The following NRL variants were observed in gnomAD, a reference collection of about 807,000 sequenced individuals.
The protein encoded by NRL is neural retina leucine zipper, also known as neural retina-specific leucine zipper protein.
A neutral mutation model predicts 12.5 loss-of-function variants in NRL; 16 were observed. The ratio of observed to expected loss-of-function variants is 1.28; its 90% CI spans 0.87 to 1.95. The LOEUF is 1.95. Among genes scored for constraint, NRL ranks in the 30% most tolerant of loss-of-function variants. NRL has a pLI of 0.00. For missense variants in NRL, 314 were observed against 325.8 expected (o/e 0.96, Z 0.28); for synonymous variants, 142 against 150.9 (o/e 0.94, Z 0.43).
chr14:24,103,007 C>G, intron 1 of NRL: 1 of 1,307,676 alleles, frequency 7.6e-7, no homozygotes, highest in Non-Finnish European at 1.1e-6. Flanking sequence ...CAGAGTTCTC[C>G]CCTGGTGAAT....
chr14:24,098,824 G>T, intron 1 of NRL: 1 of 760,068 alleles, frequency 1.3e-6, no homozygotes, highest in Non-Finnish European at 2.2e-6. Context: ...CCCAGCAGAG[G>T]GATAAGGCTG....
chr14:24,094,123 G>A lies in NRL; in HGVS notation c.-27-11248C>T. ...CGAAGAGTGGACCCAGTCCTCCAAT[G>A]GGAGAGATGGGTTTGGCGGTTTGGA... is the stretch of plus-strand genomic sequence containing the variant. On this transcript the variant is annotated intron_variant, in intron 1 of 2. Coordinates refer to ENST00000561028, the MANE Select transcript of NRL (RefSeq NM_001354768.3). This position sits in a 1 kb window ranked among gnomAD's most constrained non-coding sequence, Gnocchi z 4.1. 1.8e-6 allele frequency: 1 copy of A among 544,072 alleles called. No homozygotes were observed. Among genetic ancestry groups the A allele is most frequent in the South Asian group, 2.3e-5 (1 of 44,176 alleles). 33.7% of individuals were successfully genotyped at this position (544,072 alleles called of 1,614,324 possible). A position where few individuals can be genotyped will look rare whatever the true frequency, so the allele number is the denominator to read the frequency against.
intron 1 of NRL, among the ~76,000 whole-genome samples, chr14:24,086,780 C>T (rs550803192): frequency 1.6e-4 from 25 of 152,296 alleles, no homozygotes; most frequent in African/African-American, 4.3e-4. Flanking sequence ...AAGCTGCTAA[C>T]GGGCTAAGGG....
rs2036263168 is a variant in NRL at position 24,080,991 on chromosome 14, G to A, written c.*245C>T. On this transcript the variant is annotated 3_prime_UTR_variant, in exon 3 of 3. Transcript: ENST00000561028. Reference sequence around the variant, plus strand: ...GGCACTGGTCCCTGCAGAGCTCAGCGTGCTAGTCATGTGGGCTGGGTTTCT... The same window carrying A: ...GGCACTGGTCCCTGCAGAGCTCAGCATGCTAGTCATGTGGGCTGGGTTTCT... 5.3e-6 allele frequency: 2 copies of A among 379,504 alleles called. No individual in the cohort carries two copies. The highest frequency in any genetic ancestry group is 9.3e-6 in the Non-Finnish European group (2 of 215,156). 23.5% of individuals were successfully genotyped at this position (379,504 alleles called of 1,614,324 possible). A position where few individuals can be genotyped will look rare whatever the true frequency, so the allele number is the denominator to read the frequency against.
Position 24,099,232 on chromosome 14 carries a change from T to C in NRL, c.-28+15490A>G, listed in dbSNP as rs77278246. Reference sequence around the variant, plus strand: ...GATGAGGGCTGGCTGGCAGAGCACATGCTGGTGAGGGCCTGGTGAGAAGCA... The same window carrying C: ...GATGAGGGCTGGCTGGCAGAGCACACGCTGGTGAGGGCCTGGTGAGAAGCA... On this transcript the variant is annotated intron_variant, in intron 1 of 2. Transcript: ENST00000561028. 3.3e-5 allele frequency: 53 copies of C among 1,592,628 alleles called. No homozygotes were observed. In the East Asian group the frequency reaches 1.2e-3, roughly 35 times the overall value.
At chr14:24,098,553 A>C (rs758530066) in intron 1 of NRL, 4 of 1,613,972 alleles carry the variant, frequency 2.5e-6, no homozygotes, top group Admixed American at 3.3e-5. Context: ...CAGCTCACTG[A>C]CTCAGCCTAT....
chr14:24,103,755 C>T, intron 1 of NRL: 1 of 1,614,172 alleles, frequency 6.2e-7, no homozygotes, highest in Non-Finnish European at 8.5e-7. Context: ...CCGAGAGACA[C>T]CCATTGGGCT....
At chr14:24,101,322 G>A (rs887597662) in intron 1 of NRL, among the ~76,000 whole-genome samples, 11 of 152,164 alleles carry the variant, frequency 7.2e-5, no homozygotes, top group Non-Finnish European at 1.2e-4. Flanking sequence ...CTGCAATGGC[G>A]GGCAGAAGCT....
In NRL at chr14:24,104,401, G is replaced by A. The variant is rs190405902; in HGVS notation, c.-28+10321C>T. Among the ~76,000 whole-genome samples the A allele has an allele frequency of 2.6e-4, 39 of 151,178 alleles. 1 individual carries two copies. The Middle Eastern group carries it at 0.01, about 40-fold the overall frequency. On this transcript the variant is annotated intron_variant, in intron 1 of 2. Transcript: ENST00000561028. ...TCCCAGCACTTTGGGAGGCTGAGGCGCACAGATCACGAGGTCAGGGGATTG... is the reference window on the plus strand; with the variant it reads ...TCCCAGCACTTTGGGAGGCTGAGGCACACAGATCACGAGGTCAGGGGATTG...
At chr14:24,088,850 G>A (rs1390631725) in intron 1 of NRL, among the ~76,000 whole-genome samples, 1 of 142,516 alleles carries the variant, frequency 7.0e-6, no homozygotes, top group East Asian at 2.1e-4. Context: ...CTGTCCCCCA[G>A]GCTGGAGGGC....
chr14:24,103,823 G>C (rs778947731), intron 1 of NRL: 4 of 1,614,044 alleles, frequency 2.5e-6, no homozygotes, highest in African/African-American at 1.3e-5. Context: ...ACACCACTCA[G>C]CTGTTCTCCC....
chr14:24,084,481 G>A (rs910423679), intron 1 of NRL: 2 of 920,782 alleles, frequency 2.2e-6, no homozygotes, highest in Non-Finnish European at 2.6e-6. Flanking sequence ...GGTTCTAGGT[G>A]AGCGGCCTGA....
At chr14:24,090,501 C>G (rs1007740932) in intron 1 of NRL, among the ~76,000 whole-genome samples, 1 of 152,204 alleles carries the variant, frequency 6.6e-6, no homozygotes, top group African/African-American at 2.4e-5. Context: ...TTTGGTGAGA[C>G]AGCTCCCTTT....
At chr14:24,095,142 G>A (rs2036809500) in intron 1 of NRL, 1 of 455,990 alleles carries the variant, frequency 2.2e-6, no homozygotes, top group Non-Finnish European at 4.4e-6. Flanking sequence ...TCTCTTCTCA[G>A]CTTTTGTCCC....
chr14:24,104,297 A>C, intron 1 of NRL, among the ~76,000 whole-genome samples: 1 of 151,794 alleles, frequency 6.6e-6, no homozygotes. Context: ...TTGCTGGGAG[A>C]AGGCACTATC....
rs141794025 is a variant in NRL at position 24,108,009 on chromosome 14, A to G, written c.-28+6713T>C. Among the ~76,000 whole-genome samples the G allele has an allele frequency of 7.4e-4, 112 of 152,360 alleles. 2 individuals are homozygous for G. The East Asian group carries it at 0.021, about 28-fold the overall frequency. The stretch of plus-strand genomic sequence containing the variant: ...TAGTGTTTATTAAATTGACCTTATT[A>G]AATGTTCAAATTGTCCCACATTTGG... On this transcript the variant is annotated intron_variant, in intron 1 of 2. Coordinates refer to ENST00000561028, the MANE Select transcript of NRL (RefSeq NM_001354768.3).
chr14:24,094,316 T>TAAG lies in NRL; in HGVS notation c.-27-11442_-27-11441insCTT. On this transcript the variant is annotated intron_variant, in intron 1 of 2. Transcript: ENST00000561028. This position sits in a 1 kb window ranked among gnomAD's most constrained non-coding sequence, Gnocchi z 4.1. The stretch of plus-strand genomic sequence containing the variant: ...GCCTCCCGCCAGCCTCTGCTGTGGC[T>TAAG]CGCTTCGCCGCGCTCCCTCCTTCCC... 2.3e-6 allele frequency: 3 copies of TAAG among 1,324,976 alleles called. No individual in the cohort carries two copies. The highest frequency in any genetic ancestry group is 3.1e-6 in the Non-Finnish European group (3 of 959,980). The allele number at this position is 1,324,976 out of a possible 1,614,324, so 82.1% of individuals were successfully genotyped here. A position where few individuals can be genotyped will look rare whatever the true frequency, so the allele number is the denominator to read the frequency against.
At chr14:24,102,476 G>A (rs1162299136) in intron 1 of NRL, among the ~76,000 whole-genome samples, 1 of 152,092 alleles carries the variant, frequency 6.6e-6, no homozygotes, top group East Asian at 1.9e-4. Context: ...AGTGCCAAGT[G>A]CCAGTAGCTT....
At chr14:24,102,344 T>C (rs915630406) in intron 1 of NRL, among the ~76,000 whole-genome samples, 1 of 152,226 alleles carries the variant, frequency 6.6e-6, no homozygotes, top group Non-Finnish European at 1.5e-5. Context: ...ACATTCTCAG[T>C]TTTTGCTTTA....
Sources: allele counts gnomAD v4.1 joint callset (sites outside exome capture counted in the v4.1 genomes callset), GRCh38; gene constraint gnomAD v4.1.1; non-coding constraint Gnocchi (gnomAD v3.1); transcripts MANE v1.5; gene names NCBI Gene and HGNC (gene_info 2026-07-23, HGNC 2026-07-21).